The following ZNF831 variants were observed in gnomAD, a reference collection of about 807,000 sequenced individuals.
The protein encoded by ZNF831 is zinc finger protein 831.
In ZNF831, 59 loss-of-function variants were observed where a neutral mutation model predicts 95.8. That is an observed-to-expected ratio of 0.62 (90% CI 0.50 to 0.77). The LOEUF (loss-of-function observed/expected upper bound fraction) is 0.77, where lower values mean the gene tolerates loss of function less well. ZNF831 is among the 30% of genes least tolerant of loss of function. The pLI is 0.00. For missense variants in ZNF831, 2,205 were observed against 2,164.0 expected, an observed-to-expected ratio of 1.02 and a Z score of -0.38; for synonymous variants, 961 against 925.5, an observed-to-expected ratio of 1.04 and a Z score of -0.70.
At chr20:59,232,550 G>A (rs1315327757) in intron 4 of ZNF831, among the ~76,000 whole-genome samples, 1 of 151,774 alleles carries the variant, frequency 6.6e-6, no homozygotes, top group East Asian at 1.9e-4. Context: ...CCTTCCAACA[G>A]GATCTACAAT....
chr20:59,186,890 C>T (rs1214348953), intron 1 of ZNF831, among the ~76,000 whole-genome samples: 3 of 151,714 alleles, frequency 2.0e-5, no homozygotes, highest in African/African-American at 7.3e-5. Flanking sequence ...CTTCTGGGTC[C>T]TCCCTTCTGC....
chr20:59,221,711 T>G (rs1318470851), intron 4 of ZNF831, among the ~76,000 whole-genome samples: 2 of 152,224 alleles, frequency 1.3e-5, no homozygotes, highest in African/African-American at 4.8e-5. Flanking sequence ...TTGCTAAAAC[T>G]CTTAAAATTT....
chr20:59,236,327 G>T (rs898183700), intron 4 of ZNF831, among the ~76,000 whole-genome samples: 16 of 152,092 alleles, frequency 1.1e-4, no homozygotes, highest in Non-Finnish European at 1.8e-4. Context: ...CCTCTCCCAG[G>T]TACAGAGGAC....
intron 1 of ZNF831, among the ~76,000 whole-genome samples, chr20:59,125,077 C>T (rs1240179011): frequency 6.6e-6 from 1 of 152,178 alleles, no homozygotes; most frequent in Non-Finnish European, 1.5e-5. Flanking sequence ...AGAGAGATGT[C>T]TCTTTTCTTT....
intron 1 of ZNF831, among the ~76,000 whole-genome samples, chr20:59,140,978 C>G (rs1316663644): frequency 6.6e-6 from 1 of 151,990 alleles, no homozygotes; most frequent in Non-Finnish European, 1.5e-5. Flanking sequence ...CAGCTCACTG[C>G]AACCTCTTCC....
intron 4 of ZNF831, among the ~76,000 whole-genome samples, chr20:59,213,079 C>A (rs551364015): frequency 3.3e-4 from 51 of 152,262 alleles, no homozygotes; most frequent in African/African-American, 1.2e-3. Context: ...TAAGAGAAGT[C>A]TTTGGAAAGA....
chr20:59,170,445 G>A (rs1048056506), intron 1 of ZNF831, among the ~76,000 whole-genome samples: 3 of 152,184 alleles, frequency 2.0e-5, no homozygotes, highest in Non-Finnish European at 2.9e-5. Flanking sequence ...AAGCTGTCCT[G>A]TTATCTTTCT....
chr20:59,192,694 C>T lies in ZNF831; in HGVS notation c.1675C>T (p.Arg559Trp), dbSNP rs778790344. 56 of 1,580,510 alleles carry T rather than the reference C, an allele frequency of 3.5e-5. No individual in the cohort carries two copies. Among genetic ancestry groups the T allele is most frequent in the African/African-American group, 2.7e-5 (2 of 74,246 alleles). Residue 559 changes from arginine (R) to tryptophan (W), a missense_variant, in exon 2 of 6, where the codon CGG (arginine) becomes TGG (tryptophan). Arg to Trp is a moderately radical substitution (Grantham distance 101, BLOSUM62 -3). Transcript: ENST00000371030. The surrounding 1 kb of genome is among the most constrained non-coding windows in gnomAD (Gnocchi z 5.2). The part of the protein sequence containing the change: ...SSTDVPSGHP[R>W]ALVRQAAVED... Reference sequence around the variant, plus strand: ...GACTGACGTTCCCAGTGGGCATCCCCGGGCCCTGGTCAGACAGGCCGCGGT... The same window carrying T: ...GACTGACGTTCCCAGTGGGCATCCCTGGGCCCTGGTCAGACAGGCCGCGGT...
chr20:59,196,142 A>G, intron 3 of ZNF831, 137 bp downstream of exon 3: 1 of 1,257,432 alleles, frequency 8.0e-7, no homozygotes, highest in Non-Finnish European at 1.1e-6. Flanking sequence ...AAAGGACTGA[A>G]TTTGTTTCCC....
intron 1 of ZNF831, among the ~76,000 whole-genome samples, chr20:59,185,750 G>C (rs1982974570): frequency 6.6e-6 from 1 of 152,182 alleles, no homozygotes; most frequent in Non-Finnish European, 1.5e-5. Flanking sequence ...TTGCCACTGA[G>C]GCAGGAGCTG....
At chr20:59,197,526 A>G (rs892500304) in intron 3 of ZNF831, among the ~76,000 whole-genome samples, 1 of 152,104 alleles carries the variant, frequency 6.6e-6, no homozygotes, top group African/African-American at 2.4e-5. Flanking sequence ...GGCATTTTCT[A>G]GATTTTTCTT....
At chr20:59,148,048 G>A (rs1472944919) in intron 2 of ZNF831, among the ~76,000 whole-genome samples, 1 of 152,228 alleles carries the variant, frequency 6.6e-6, no homozygotes, top group African/African-American at 2.4e-5. Context: ...CTAATTAGAA[G>A]AGACGTCCCT....
intron 4 of ZNF831, among the ~76,000 whole-genome samples, chr20:59,245,465 T>C (rs923660843): frequency 2.0e-5 from 3 of 152,166 alleles, no homozygotes; most frequent in African/African-American, 4.8e-5. Flanking sequence ...TTTGTGATCT[T>C]TGGTTTAAAC....
Position 59,126,108 on chromosome 20 carries a change from C to T in ZNF831, c.-1425+2603C>T, listed in dbSNP as rs774751598. ...TTAGAAGTTACTTTTAATCATTACC[C>T]ATGCTGGAAGTATCAGATTTCTTTA... On this transcript the variant is annotated intron_variant, in intron 1 of 7. Coordinates refer to the ZNF831 transcript ENST00000637017. 6.4e-4 allele frequency among the ~76,000 whole-genome samples: 98 copies of T among 152,310 alleles called. 1 individual carries two copies. The highest frequency in any genetic ancestry group is 1.2e-3 in the Non-Finnish European group (85 of 68,018).
chr20:59,205,833 A>G (rs954938019), intron 3 of ZNF831, among the ~76,000 whole-genome samples: 12 of 152,222 alleles, frequency 7.9e-5, no homozygotes, highest in South Asian at 2.1e-4. Flanking sequence ...TCTTTTGCCT[A>G]TATAATGGGG....
At chr20:59,220,127 AC>A (rs1206389829) in intron 4 of ZNF831, among the ~76,000 whole-genome samples, 1 of 151,804 alleles carries the variant, frequency 6.6e-6, no homozygotes, top group Admixed American at 6.6e-5. Context: ...GAGTTGGAAG[AC>A]CCCCTTCTCA....
At chr20:59,135,503 G>A (rs201224579) in intron 1 of ZNF831, among the ~76,000 whole-genome samples, 13 of 152,312 alleles carry the variant, frequency 8.5e-5, no homozygotes, top group South Asian at 4.1e-4. Flanking sequence ...AGGCCGAGGC[G>A]GGCAGATCAT....
rs1314219154 is a variant in ZNF831, at chr20:59,211,064, A to AC, written c.4027+4008_4027+4009insC. ...CAAAAAAAAAGAAAAAAAAAAAAAA[A>AC]ACAAATCCAAGGAGAAAAAAAAATT... is the stretch of plus-strand genomic sequence containing the variant. On this transcript the variant is annotated intron_variant, in intron 4 of 5. Coordinates refer to ENST00000371030, the MANE Select transcript of ZNF831 (RefSeq NM_178457.3). 1.8e-3 allele frequency among the ~76,000 whole-genome samples: 280 copies of AC among 151,542 alleles called. 55 individuals carry two copies. The highest frequency in any genetic ancestry group is 6.6e-3 in the African/African-American group (270 of 41,116).
intron 1 of ZNF831, among the ~76,000 whole-genome samples, chr20:59,124,250 CA>C (rs2146430199): frequency 6.6e-6 from 1 of 152,260 alleles, no homozygotes; most frequent in South Asian, 2.1e-4. Flanking sequence ...GGTCATTCCT[CA>C]GGCCCCATTG....
Sources: gnomAD v4.1 joint callset for allele counts (sites outside exome capture counted in the v4.1 genomes callset) on GRCh38, gnomAD v4.1.1 for gene constraint, Gnocchi (gnomAD v3.1) non-coding constraint, MANE v1.5 for transcripts, NCBI Gene and HGNC (gene_info 2026-07-23, HGNC 2026-07-21) for gene names.